Variants in SMPD3 observed in about 807,000 individuals in gnomAD.
SMPD3 encodes sphingomyelin phosphodiesterase 3.
Under a neutral mutation model 55.7 loss-of-function variants are expected in SMPD3, and 21 were observed. That is an observed-to-expected ratio of 0.38 (90% CI 0.27 to 0.54). The LOEUF is 0.54. Ranked by LOEUF, SMPD3 falls within the 20% of genes least tolerant of loss-of-function variation. The pLI is 0.80. For missense variants in SMPD3, 842 were observed against 899.6 expected, an observed-to-expected ratio of 0.94 and a Z score of 0.82; for synonymous variants, 457 against 404.3, an observed-to-expected ratio of 1.13 and a Z score of -1.56.
chr16:68,372,372 A>T lies in SMPD3; in HGVS notation c.-191T>A. 1 of 707,110 alleles carries T rather than the reference A, an allele frequency of 1.4e-6. No homozygotes were observed. The highest frequency in any genetic ancestry group is 2.4e-6 in the Non-Finnish European group (1 of 424,708). 43.8% of individuals were successfully genotyped at this position (707,110 alleles called of 1,614,324 possible). On this transcript the variant is annotated 5_prime_UTR_variant, in exon 3 of 9. Transcript: ENST00000219334. ...TGGTTCACCTCGGTGGGCCATGCGG[A>T]GGCCTACTGCAGACCCTGCAGAGAC...
chr16:68,416,216 G>A (rs373285745), intron 1 of SMPD3, among the ~76,000 whole-genome samples: 1 of 152,184 alleles, frequency 6.6e-6, no homozygotes, highest in African/African-American at 2.4e-5. Flanking sequence ...CTGGGCCCAG[G>A]CCAGGGAGAA....
At chr16:68,407,315 C>T (rs2090262472) in intron 1 of SMPD3, among the ~76,000 whole-genome samples, 2 of 152,162 alleles carry the variant, frequency 1.3e-5, no homozygotes, top group Admixed American at 1.3e-4. Context: ...GACAACCCTG[C>T]TCTTAGGCAT....
chr16:68,406,505 T>A (rs1475794375), intron 1 of SMPD3, among the ~76,000 whole-genome samples: 1 of 152,146 alleles, frequency 6.6e-6, no homozygotes, highest in Non-Finnish European at 1.5e-5. Flanking sequence ...AAGGCCAGGA[T>A]GGTGCCTGGA....
intron 2 of SMPD3, among the ~76,000 whole-genome samples, chr16:68,378,276 G>A (rs151220892): frequency 1.5e-3 from 225 of 152,340 alleles, no homozygotes; most frequent in African/African-American, 5.2e-3. Context: ...GCATGCTGCA[G>A]AGGAGTTGGC....
intron 2 of SMPD3, among the ~76,000 whole-genome samples, chr16:68,385,088 C>T (rs1385255372): frequency 6.6e-6 from 1 of 152,180 alleles, no homozygotes; most frequent in African/African-American, 2.4e-5. Context: ...TCACCCAGCA[C>T]CTCAGAGAAT....
At position 68,358,796 on chromosome 16, in the gene SMPD3, T is replaced by C. The variant is rs1476974779; in HGVS notation, c.*2410A>G. 6.6e-6 allele frequency: 1 copy of C among 152,548 alleles called. No homozygotes were observed. Among genetic ancestry groups the C allele is most frequent in the Non-Finnish European group, 1.5e-5 (1 of 68,040 alleles). 9.4% of individuals were successfully genotyped at this position (152,548 alleles called of 1,614,324 possible). A position where few individuals can be genotyped will look rare whatever the true frequency, so the allele number is the denominator to read the frequency against. On this transcript the variant is annotated 3_prime_UTR_variant, in exon 9 of 9. Coordinates refer to ENST00000219334, the MANE Select transcript of SMPD3 (RefSeq NM_018667.4). ...CCGTGTGCCCACCCCTGCTAGGCCT[T>C]AGATGCCACAGAATCTGAGATCCAG...
At chr16:68,389,053 G>A (rs978138976) in intron 1 of SMPD3, among the ~76,000 whole-genome samples, 7 of 152,184 alleles carry the variant, frequency 4.6e-5, no homozygotes, top group African/African-American at 9.7e-5. Flanking sequence ...AAAACGCACC[G>A]GTAGGAAATG....
chr16:68,381,895 A>G (rs546772857), intron 2 of SMPD3: 1 of 152,210 alleles, frequency 6.6e-6, no homozygotes, highest in African/African-American at 2.4e-5. Context: ...TTTCTCAAGA[A>G]TACAGCCAGA....
chr16:68,448,108 G>A (rs1274004245), intron 1 of SMPD3, among the ~76,000 whole-genome samples: 2 of 148,784 alleles, frequency 1.3e-5, no homozygotes, highest in South Asian at 2.1e-4. Flanking sequence ...AGGAGAGATG[G>A]GGGGTGGGGG....
At chr16:68,401,043 C>T (rs527444998) in intron 1 of SMPD3, among the ~76,000 whole-genome samples, 1 of 152,236 alleles carries the variant, frequency 6.6e-6, no homozygotes, top group Non-Finnish European at 1.5e-5. Flanking sequence ...CAGTGCCACC[C>T]TCTGTGAGGT....
chr16:68,371,893 A>G lies in SMPD3; in HGVS notation c.289T>C (p.Tyr97His). Residue 97 changes from tyrosine to histidine, a missense_variant, in exon 3 of 9, where the codon TAT (tyrosine) becomes CAT (histidine). By Grantham distance (83) the Tyr-to-His change is moderately conservative. Transcript: ENST00000219334. Reference protein sequence around the residue: ...PLQSARRPYIYSRLEDKGLAG... With the variant: ...PLQSARRPYIHSRLEDKGLAG... The stretch of plus-strand genomic sequence containing the variant: ...AGGCCCTTGTCTTCCAGCCGTGAAT[A>G]GATGTAGGGCCGGCGGGCCGACTGC... The G allele has an allele frequency of 6.2e-7, 1 of 1,610,742 alleles. No individual in the cohort carries two copies. Among genetic ancestry groups the G allele is most frequent in the African/African-American group, 1.3e-5 (1 of 75,064 alleles).
At chr16:68,363,467 C>T (rs201943388) in intron 7 of SMPD3, 29 bp downstream of exon 7, 211 of 1,613,508 alleles carry the variant, frequency 1.3e-4, no homozygotes, top group Non-Finnish European at 1.6e-4. Context: ...GGGTGTGCCT[C>T]GTCCCTGGCC....
intron 3 of SMPD3, chr16:68,369,644 A>T (rs1051050422): frequency 2.6e-5 from 4 of 152,268 alleles, no homozygotes; most frequent in Non-Finnish European, 5.9e-5. Flanking sequence ...CCAAAATGGG[A>T]AGGTTGGATC....
chr16:68,445,528 G>GC (rs1382490293), intron 1 of SMPD3, among the ~76,000 whole-genome samples: 1 of 152,288 alleles, frequency 6.6e-6, no homozygotes, highest in African/African-American at 2.4e-5. Flanking sequence ...GTAGGAGGGA[G>GC]CCCCCCAATA....
chr16:68,448,016 C>T (rs2090623744), intron 1 of SMPD3, among the ~76,000 whole-genome samples: 1 of 152,156 alleles, frequency 6.6e-6, no homozygotes, highest in African/African-American at 2.4e-5. Flanking sequence ...CCCACAACAC[C>T]TCATCCTCCC....
At chr16:68,434,807 T>C (rs796940049) in intron 1 of SMPD3, among the ~76,000 whole-genome samples, 8 of 152,384 alleles carry the variant, frequency 5.2e-5, no homozygotes, top group African/African-American at 1.9e-4. Flanking sequence ...GTTCGGTTTC[T>C]AAGCAGCTCT....
chr16:68,396,686 T>C (rs2090160504), intron 1 of SMPD3, among the ~76,000 whole-genome samples: 1 of 152,132 alleles, frequency 6.6e-6, no homozygotes, highest in Non-Finnish European at 1.5e-5. Flanking sequence ...CAGGCGGGCA[T>C]GTCCATCACC....
chr16:68,365,186 A>G, intron 3 of SMPD3, 94 bp from the exon 4 acceptor site: 2 of 1,292,778 alleles, frequency 1.5e-6, no homozygotes, highest in Non-Finnish European at 2.2e-6. Context: ...ATGAGGTCAG[A>G]CCCTCACAAG....
chr16:68,387,607 C>T (rs1858425654), intron 1 of SMPD3, among the ~76,000 whole-genome samples: 1 of 152,224 alleles, frequency 6.6e-6, no homozygotes, highest in African/African-American at 2.4e-5. Context: ...GGGGCCCGCC[C>T]CCTGTCTCAG....
Sources: allele counts gnomAD v4.1 joint callset (sites outside exome capture counted in the v4.1 genomes callset), GRCh38; gene constraint gnomAD v4.1.1; transcripts MANE v1.5; gene names NCBI Gene and HGNC (gene_info 2026-07-23, HGNC 2026-07-21).